HIP1: variants seen among roughly 807,000 people sequenced by gnomAD.
HIP1 encodes huntingtin-interacting protein 1.
Under a neutral mutation model 147.6 loss-of-function variants are expected in HIP1, and 65 were observed. That is an observed-to-expected ratio of 0.44 (90% CI 0.36 to 0.54). The LOEUF (loss-of-function observed/expected upper bound fraction) is 0.54. Among genes scored for constraint, HIP1 ranks in the 20% least tolerant of loss-of-function variants. The pLI, the probability that HIP1 is intolerant of heterozygous loss-of-function variation, is 0.00. For missense variants in HIP1, 1,061 were observed against 1,299.6 expected (o/e 0.82, Z 2.82); for synonymous variants, 479 against 504.0 (o/e 0.95, Z 0.67).
At chr7:75,644,575 G>A (rs1798746532) in intron 1 of HIP1, among the ~76,000 whole-genome samples, 1 of 152,130 alleles carries the variant, frequency 6.6e-6, no homozygotes, top group African/African-American at 2.4e-5. Flanking sequence ...GATTACAGGT[G>A]TGAGACACTG....
chr7:75,562,922 A>T lies in HIP1; in HGVS notation c.1020+13T>A. 1 of 1,613,934 alleles carries T rather than the reference A, an allele frequency of 6.2e-7. No individual in the cohort carries two copies. The highest frequency in any genetic ancestry group is 1.1e-5 in the South Asian group (1 of 91,066). ...AGAGGAAAGGCCAAGTTTCTCTCCCAAGTGGTCCTCACCTGCTGAGAGGCA... is the reference window on the plus strand; with the variant it reads ...AGAGGAAAGGCCAAGTTTCTCTCCCTAGTGGTCCTCACCTGCTGAGAGGCA... On this transcript the variant is annotated intron_variant, in intron 11 of 30. Transcript: ENST00000336926.
At chr7:75,714,521 C>T (rs1554520409) in intron 1 of HIP1, among the ~76,000 whole-genome samples, 2 of 147,964 alleles carry the variant, frequency 1.4e-5, no homozygotes, top group East Asian at 4.1e-4. Flanking sequence ...GGCACAATCT[C>T]GGCTCACTGC....
chr7:75,592,461 C>G lies in HIP1; in HGVS notation c.238G>C (p.Val80Leu). 1 of 1,612,284 alleles carries G rather than the reference C, an allele frequency of 6.2e-7. No homozygotes were observed. The highest frequency in any genetic ancestry group is 8.5e-7 in the Non-Finnish European group (1 of 1,179,646). Residue 80 changes from valine (V) to leucine (L), a missense_variant, in exon 3 of 31, where the codon GTC becomes CTC. By Grantham distance (32) the Val-to-Leu change is conservative (BLOSUM62 1). Transcript: ENST00000336926. ...TTGCTAGACAGAGGCAGGCGGTTGA[C>G]AACAGACCAGAAGGTCTGTGCCCCT... is the stretch of plus-strand genomic sequence containing the variant. ...EKGAQTFWSV[V>L]NRLPLSSNAV...
intron 1 of HIP1, among the ~76,000 whole-genome samples, chr7:75,738,217 C>T (rs1802087107): frequency 6.6e-6 from 1 of 152,088 alleles, no homozygotes; most frequent in Non-Finnish European, 1.5e-5. Context: ...TTCCTACATT[C>T]CTTTTCCCTG....
intron 2 of HIP1, among the ~76,000 whole-genome samples, chr7:75,595,834 AC>A (rs1280198524): frequency 1.3e-4 from 20 of 152,322 alleles, no homozygotes; most frequent in Non-Finnish European, 4.4e-5. Context: ...TGGCGGGCCA[AC>A]CTGTTCACCA....
intron 1 of HIP1, among the ~76,000 whole-genome samples, chr7:75,683,137 A>G (rs1251623336): frequency 1.3e-5 from 2 of 151,992 alleles, no homozygotes; most frequent in Non-Finnish European, 2.9e-5. Context: ...GTGCGCTACC[A>G]TGCCCAGCTA....
chr7:75,581,050 GTC>G (rs1282192266), intron 7 of HIP1, among the ~76,000 whole-genome samples, 185 bp downstream of exon 7: 8 of 152,092 alleles, frequency 5.3e-5, no homozygotes, highest in Non-Finnish European at 7.4e-5. Flanking sequence ...CCGAGACCTT[GTC>G]TCTTAAAAAG....
intron 5 of HIP1, among the ~76,000 whole-genome samples, chr7:75,583,051 C>T (rs1442868766): frequency 2.0e-5 from 3 of 152,170 alleles, no homozygotes; most frequent in Admixed American, 1.3e-4. Context: ...GCATCTCCCT[C>T]TCTGGCTGCA....
chr7:75,564,125 C>T (rs1170165551), intron 9 of HIP1, among the ~76,000 whole-genome samples: 2 of 152,020 alleles, frequency 1.3e-5, no homozygotes, highest in African/African-American at 4.8e-5. Flanking sequence ...CTCCTGGCTT[C>T]AAGCAATCCT....
intron 1 of HIP1, among the ~76,000 whole-genome samples, chr7:75,640,956 G>A (rs909764656): frequency 6.6e-6 from 1 of 151,770 alleles, no homozygotes; most frequent in Non-Finnish European, 1.5e-5. Context: ...AGTTCTTATC[G>A]ATGAAATTGG....
At chr7:75,549,878 G>A (rs1584782513) in intron 22 of HIP1, among the ~76,000 whole-genome samples, 1 of 142,124 alleles carries the variant, frequency 7.0e-6, no homozygotes. Context: ...GTCTCACTAT[G>A]TTGCCCAGGC....
intron 1 of HIP1, among the ~76,000 whole-genome samples, chr7:75,703,925 G>T (rs1263620062): frequency 6.6e-6 from 1 of 152,124 alleles, no homozygotes; most frequent in African/African-American, 2.4e-5. Flanking sequence ...CAGAGCTGCC[G>T]ACCCGAAGCC....
chr7:75,661,572 CAA>C (rs61482074), intron 1 of HIP1, among the ~76,000 whole-genome samples: 41 of 46,892 alleles, frequency 8.7e-4, no homozygotes, highest in Admixed American at 2.8e-3. Context: ...GACTCCATCT[CAA>C]AAAAAAAAAA....
intron 16 of HIP1, among the ~76,000 whole-genome samples, chr7:75,557,068 C>T (rs1026240474): frequency 7.1e-5 from 10 of 140,442 alleles, no homozygotes; most frequent in Admixed American, 2.8e-4. Flanking sequence ...GACGGAGTCT[C>T]GCTGTTGTTG....
intron 1 of HIP1, among the ~76,000 whole-genome samples, chr7:75,730,978 G>A (rs574114019): frequency 4.0e-5 from 6 of 149,190 alleles, no homozygotes; most frequent in South Asian, 4.3e-4. Context: ...CAAGTGATCC[G>A]CCCGCCTCAG....
intron 4 of HIP1, among the ~76,000 whole-genome samples, chr7:75,589,392 A>C (rs1292448855): frequency 1.3e-5 from 2 of 151,662 alleles, no homozygotes; most frequent in Admixed American, 6.6e-5. Flanking sequence ...TCTAGCCAAA[A>C]TCTGAAAAGG....
At chr7:75,549,045 G>A (rs782199571) in intron 22 of HIP1, 44 bp from the exon 23 acceptor site, 7 of 1,356,342 alleles carry the variant, frequency 5.2e-6, no homozygotes, top group Admixed American at 1.7e-5. Flanking sequence ...GGGGCCTCCT[G>A]TCTCTTCTCC....
intron 4 of HIP1, 141 bp from the exon 5 acceptor site, chr7:75,586,974 T>G (rs1360228190): frequency 1.6e-6 from 1 of 638,220 alleles, no homozygotes; most frequent in Non-Finnish European, 2.8e-6. Flanking sequence ...GGGGTCTAGC[T>G]CTGTTGCCCA....
intron 21 of HIP1, among the ~76,000 whole-genome samples, 188 bp from the exon 22 acceptor site, chr7:75,553,777 T>C (rs1584787712): frequency 6.6e-6 from 1 of 152,256 alleles, no homozygotes; most frequent in East Asian, 1.9e-4. Flanking sequence ...CTAATTTTTG[T>C]ATTTTTAGTA....
Sources: gnomAD v4.1 joint callset for allele counts (sites outside exome capture counted in the v4.1 genomes callset) on GRCh38, gnomAD v4.1.1 for gene constraint, MANE v1.5 for transcripts, NCBI Gene and HGNC (gene_info 2026-07-23, HGNC 2026-07-21) for gene names.